The following NCF2 variants were observed in gnomAD, a reference collection of about 807,000 sequenced individuals.
NCF2 encodes the protein neutrophil cytosol factor 2.
Under a neutral mutation model 70.9 loss-of-function variants are expected in NCF2, and 45 were observed. The ratio of observed to expected loss-of-function variants is 0.63; its 90% CI spans 0.50 to 0.81. NCF2 has a LOEUF of 0.81. Ranked by LOEUF, NCF2 falls within the 40% of genes least tolerant of loss-of-function variation. The pLI, the probability that NCF2 is intolerant of heterozygous loss-of-function variation, is 0.00. For missense variants in NCF2, 522 were observed against 631.6 expected (o/e 0.83, Z 1.86); for synonymous variants, 203 against 233.6 (o/e 0.87, Z 1.19).
At chr1:183,564,074 T>C in intron 10 of NCF2, 44 bp from the exon 11 acceptor site, 2 of 1,579,784 alleles carry the variant, frequency 1.3e-6, no homozygotes, top group East Asian at 4.5e-5. Flanking sequence ...AGATGGTGAA[T>C]GAACATCCTT....
chr1:183,587,524 G>A lies in NCF2; in HGVS notation c.175-547C>T, dbSNP rs149874973. ...TAGGTCAATCGCTCAAGCCCAGGAGGTGGAGACTGCCGTGAGCTGTGACGG... is the reference window on the plus strand; with the variant it reads ...TAGGTCAATCGCTCAAGCCCAGGAGATGGAGACTGCCGTGAGCTGTGACGG... On this transcript the variant is annotated intron_variant, in intron 1 of 14. Transcript: ENST00000367535. Among the ~76,000 whole-genome samples, 11 of 149,226 alleles carry A rather than the reference G, an allele frequency of 7.4e-5. No individual in the cohort carries two copies. In the East Asian group the frequency reaches 2.2e-3, roughly 29 times the overall value.
At chr1:183,581,148 G>A (rs529470393) in intron 2 of NCF2, among the ~76,000 whole-genome samples, 1 of 151,908 alleles carries the variant, frequency 6.6e-6, no homozygotes, top group Non-Finnish European at 1.5e-5. Context: ...CAGGCATAGT[G>A]GTACGTGCCT....
Position 183,567,189 on chromosome 1 carries a change from T to A in NCF2, c.855+15A>T, listed in dbSNP as rs762465566. On this transcript the variant is annotated intron_variant, in intron 8 of 14. Coordinates refer to ENST00000367535, the MANE Select transcript of NCF2 (RefSeq NM_000433.4). Reference sequence around the variant, plus strand: ...ATCCCATGCCCATCGCACCAGCCCCTGATCCTCTGCATACCTGCCCGTTGA... The same window carrying A: ...ATCCCATGCCCATCGCACCAGCCCCAGATCCTCTGCATACCTGCCCGTTGA... The A allele has an allele frequency of 1.2e-6, 2 of 1,614,132 alleles. No individual in the cohort carries two copies. The highest frequency in any genetic ancestry group is 1.7e-6 in the Non-Finnish European group (2 of 1,180,006).
the NCF2 span, among the ~76,000 whole-genome samples, chr1:183,596,756 AT>A: frequency 6.7e-6 from 1 of 148,308 alleles, no homozygotes; most frequent in African/African-American, 2.5e-5. Context: ...AAAAAAAAAA[AT>A]TGCCCTTTGA....
the NCF2 span, among the ~76,000 whole-genome samples, chr1:183,600,986 T>C: frequency 6.6e-6 from 1 of 152,244 alleles, no homozygotes; most frequent in Non-Finnish European, 1.5e-5. Context: ...ATTTTTATCA[T>C]AATATTTATT....
At chr1:183,556,546 C>G (rs1671790554) in intron 14 of NCF2, among the ~76,000 whole-genome samples, 2 of 152,138 alleles carry the variant, frequency 1.3e-5, no homozygotes, top group African/African-American at 4.8e-5. Flanking sequence ...TTCCCCACCC[C>G]CAACCTTGAC....
intron 5 of NCF2, among the ~76,000 whole-genome samples, chr1:183,572,762 C>T (rs1031447402): frequency 2.0e-5 from 3 of 152,168 alleles, no homozygotes; most frequent in Non-Finnish European, 2.9e-5. Flanking sequence ...ACCTCAGCCT[C>T]TCCACTAGCT....
chr1:183,587,013 A>G (rs1673385388), intron 1 of NCF2, 36 bp from the exon 2 acceptor site: 13 of 1,582,886 alleles, frequency 8.2e-6, no homozygotes, highest in African/African-American at 2.7e-5. Flanking sequence ...GCCATGATGC[A>G]AGGCAGTGAG....
intron 14 of NCF2, among the ~76,000 whole-genome samples, chr1:183,557,881 A>T (rs984290042): frequency 2.7e-5 from 4 of 146,966 alleles, no homozygotes; most frequent in East Asian, 2.0e-4. Flanking sequence ...TACTACTCAT[A>T]TTTTTTTTTT....
chr1:183,566,287 A>T (rs574809811), intron 9 of NCF2, among the ~76,000 whole-genome samples: 45 of 152,348 alleles, frequency 3.0e-4, no homozygotes, highest in African/African-American at 1.0e-3. Context: ...TCTGACAAAG[A>T]CAGCTCTCTA....
rs532362215 is a variant in NCF2, at chr1:183,562,207, T to C, written c.1290+988A>G. ...TGGCTATGTGCAGCCACCAAATAGA[T>C]TGAAGCTGCTGTCAAAGGAAAAAAT... On this transcript the variant is annotated intron_variant, in intron 13 of 14. Transcript: ENST00000367535. Among the ~76,000 whole-genome samples, 78 of 152,160 alleles carry C rather than the reference T, an allele frequency of 5.1e-4. No individual in the cohort carries two copies. The South Asian group carries it at 0.016, about 31-fold the overall frequency.
chr1:183,595,196 T>C (rs531038866), upstream of NCF2, among the ~76,000 whole-genome samples: 5 of 152,162 alleles, frequency 3.3e-5, no homozygotes, highest in Non-Finnish European at 7.3e-5. Context: ...GATAGTTTCA[T>C]TGAGTACAAG....
At chr1:183,581,314 GA>G (rs1418878687) in intron 2 of NCF2, among the ~76,000 whole-genome samples, 2 of 132,248 alleles carry the variant, frequency 1.5e-5, no homozygotes, top group African/African-American at 3.0e-5. Flanking sequence ...AAGAAAGAAA[GA>G]AAAGAAAGTC....
At chr1:183,593,304 T>C (rs552229314), upstream of NCF2, among the ~76,000 whole-genome samples, 1 of 152,318 alleles carries the variant, frequency 6.6e-6, no homozygotes, top group South Asian at 2.1e-4. Context: ...ATGATAGTCT[T>C]TTAACATTTC....
chr1:183,585,697 A>G (rs538254272), intron 2 of NCF2, among the ~76,000 whole-genome samples: 2 of 152,158 alleles, frequency 1.3e-5, no homozygotes, highest in Non-Finnish European at 2.9e-5. Context: ...CTGGTGGAAC[A>G]GTTTCTACAA....
In NCF2 at chr1:183,573,309, G is replaced by A. The variant is rs564418799; in HGVS notation, c.502-17C>T. On this transcript the variant is annotated splice_polypyrimidine_tract_variant and intron_variant, in intron 4 of 14. Transcript: ENST00000367535. ...CTTCTGCTTCTGTAACACAGAAAACGTAGCATTCCCTTATGTGAAAATGGG... is the reference window on the plus strand; with the variant it reads ...CTTCTGCTTCTGTAACACAGAAAACATAGCATTCCCTTATGTGAAAATGGG... 2.1e-5 allele frequency: 33 copies of A among 1,607,918 alleles called. No individual in the cohort carries two copies. Among genetic ancestry groups the A allele is most frequent in the East Asian group, 6.7e-5 (3 of 44,848 alleles).
At chr1:183,581,824 C>T (rs753200591) in intron 2 of NCF2, among the ~76,000 whole-genome samples, 4 of 152,072 alleles carry the variant, frequency 2.6e-5, no homozygotes, top group East Asian at 1.9e-4. Context: ...TCCGCCACCG[C>T]GCCCGGCTAA....
At chr1:183,599,450 C>CTTTCTTTCTTTCTTTCT in the NCF2 span, among the ~76,000 whole-genome samples, 4 of 91,334 alleles carry the variant, frequency 4.4e-5, no homozygotes, top group East Asian at 7.1e-4. Flanking sequence ...TTCTTTCTTT[C>CTTTCTTTCTTTCTTTCT]TTTCTTTCTT....
chr1:183,576,367 C>T (rs1216548051), intron 3 of NCF2, among the ~76,000 whole-genome samples: 1 of 152,176 alleles, frequency 6.6e-6, no homozygotes, highest in Non-Finnish European at 1.5e-5. Context: ...TTTTCTAGAG[C>T]CACTTGTCCC....
Sources: allele counts gnomAD v4.1 joint callset (sites outside exome capture counted in the v4.1 genomes callset), GRCh38; gene constraint gnomAD v4.1.1; transcripts MANE v1.5; gene names NCBI Gene and HGNC (gene_info 2026-07-23, HGNC 2026-07-21).